Variants in HSDL1 observed in about 807,000 individuals in gnomAD.
The protein encoded by HSDL1 is inactive hydroxysteroid dehydrogenase-like protein 1.
In HSDL1, 29 loss-of-function variants were observed where a neutral mutation model predicts 31.5. The observed-to-expected ratio is 0.92, with a 90% CI of 0.69 to 1.26. The LOEUF (loss-of-function observed/expected upper bound fraction) is 1.26, where lower values mean the gene tolerates loss of function less well. HSDL1 is among the 50% of genes most tolerant of loss of function. The pLI, the probability that HSDL1 is intolerant of heterozygous loss-of-function variation, is 0.00. For missense variants in HSDL1, 503 were observed against 416.6 expected, an observed-to-expected ratio of 1.21 and a Z score of -1.81; for synonymous variants, 222 against 155.2, an observed-to-expected ratio of 1.43 and a Z score of -3.20.
chr16:84,129,547 C>T lies in HSDL1; in HGVS notation c.894+1G>A, dbSNP rs746597665. The T allele has an allele frequency of 6.2e-7, 1 of 1,606,342 alleles. No homozygotes were observed. Among genetic ancestry groups the T allele is most frequent in the South Asian group, 1.1e-5 (1 of 90,956 alleles). On this transcript the variant is annotated splice_donor_variant, in intron 5 of 5. Coordinates refer to ENST00000219439, the MANE Select transcript of HSDL1 (RefSeq NM_031463.5). LOFTEE classifies it high-confidence loss of function. ...TTATGAGACCTGAAGCACACTCCTA[C>T]CTGAATAGAATGGGACCAATATCCT... is the stretch of plus-strand genomic sequence containing the variant.
At chr16:84,138,107 GTGTT>G (rs1284106948) in intron 1 of HSDL1, among the ~76,000 whole-genome samples, 1 of 152,214 alleles carries the variant, frequency 6.6e-6, no homozygotes, top group Non-Finnish European at 1.5e-5. Context: ...CGAAAAGTAA[GTGTT>G]TGCTGTTTCC....
intron 1 of HSDL1, among the ~76,000 whole-genome samples, chr16:84,139,710 G>A (rs768867519): frequency 6.6e-6 from 1 of 152,156 alleles, no homozygotes; most frequent in Non-Finnish European, 1.5e-5. Flanking sequence ...GAAGAGACAA[G>A]CTGAAAACTC....
rs1470499644 is a variant in HSDL1, at chr16:84,130,418, C to G, written c.234G>C (p.Gly78=). The part of the protein sequence containing the change: ...RWAVVSGATD[G]IGKAYAEELA... ...ACTCTTCAGCGTAGGCTTTTCCAAT[C>G]CCATCTGTTGCACCTAGGATGCAAG... The change falls in exon 4 of 6, where the codon GGG becomes GGC. Residue 78 remains glycine, a synonymous_variant. Transcript: ENST00000219439. 1.2e-6 allele frequency: 2 copies of G among 1,608,904 alleles called. No homozygotes were observed. Among genetic ancestry groups the G allele is most frequent in the Non-Finnish European group, 1.7e-6 (2 of 1,177,760 alleles).
chr16:84,135,450 C>G (rs78583073), intron 2 of HSDL1, 94 bp downstream of exon 2: 109 of 152,116 alleles, frequency 7.2e-4, no homozygotes, highest in African/African-American at 2.6e-3. Context: ...AGAATCTGAA[C>G]CTTTTTGAAG....
At chr16:84,130,784 A>G (rs897930626) in intron 3 of HSDL1, among the ~76,000 whole-genome samples, 2 of 152,224 alleles carry the variant, frequency 1.3e-5, no homozygotes, top group African/African-American at 4.8e-5. Flanking sequence ...AAATAGGTGA[A>G]GCATTTCTGA....
chr16:84,132,543 C>G (rs772735272), intron 2 of HSDL1, among the ~76,000 whole-genome samples: 1 of 152,142 alleles, frequency 6.6e-6, no homozygotes, highest in African/African-American at 2.4e-5. Flanking sequence ...GTTGAGTGTC[C>G]ACATAGCAAG....
At chr16:84,134,805 T>C (rs906564626) in intron 2 of HSDL1, among the ~76,000 whole-genome samples, 2 of 152,144 alleles carry the variant, frequency 1.3e-5, no homozygotes, top group African/African-American at 4.8e-5. Context: ...CCAGGACCTC[T>C]CAAGCAAAAT....
intron 5 of HSDL1, among the ~76,000 whole-genome samples, chr16:84,127,686 T>A (rs988800353): frequency 6.0e-5 from 9 of 150,452 alleles, no homozygotes; most frequent in African/African-American, 2.2e-4. Flanking sequence ...AAAAAAAAAA[T>A]TCGGACCAGG....
At position 84,130,096 on chromosome 16, in the gene HSDL1, G is replaced by A. The variant is rs1451678533; in HGVS notation, c.556C>T (p.His186Tyr). The A allele has an allele frequency of 4.3e-6, 7 of 1,614,008 alleles. No homozygotes were observed. Among genetic ancestry groups the A allele is most frequent in the Non-Finnish European group, 5.9e-6 (7 of 1,180,032 alleles). ...TCCACCATTCCCGGTAACACAACAT[G>A]GACCATCAAACTAGCGGCGGCAATG... is the stretch of plus-strand genomic sequence containing the variant. The part of the protein sequence containing the change: ...VNIAAASLMV[H>Y]VVLPGMVERK... The change falls in exon 4 of 6, where the codon CAT becomes TAT. Residue 186 changes from histidine to tyrosine, a missense_variant. Coordinates refer to ENST00000219439, the MANE Select transcript of HSDL1 (RefSeq NM_031463.5).
In HSDL1 at chr16:84,133,715, T is replaced by C. The variant is rs566700284; in HGVS notation, c.-7+1829A>G. On this transcript the variant is annotated intron_variant, in intron 2 of 5. Transcript: ENST00000219439. Reference sequence around the variant, plus strand: ...CTGCGCTCCAGCCTGGGCGACAGAGTGAGACTCCATCTCGAAACAAACAAA... The same window carrying C: ...CTGCGCTCCAGCCTGGGCGACAGAGCGAGACTCCATCTCGAAACAAACAAA... Among the ~76,000 whole-genome samples, 7 of 152,160 alleles carry C rather than the reference T, an allele frequency of 4.6e-5. No individual in the cohort carries two copies. The East Asian group carries it at 1.4e-3, about 29-fold the overall frequency.
chr16:84,127,212 T>C (rs1007890067), intron 5 of HSDL1, among the ~76,000 whole-genome samples: 14 of 106,502 alleles, frequency 1.3e-4, no homozygotes, highest in South Asian at 1.2e-3. Context: ...GTTTCTTCTT[T>C]TTTTTTTTTT....
rs367909073 is a variant in HSDL1, at chr16:84,137,967, C to T, written c.-68-2362G>A. 8.9e-4 allele frequency among the ~76,000 whole-genome samples: 134 copies of T among 150,916 alleles called. 2 individuals carry two copies. The highest frequency in any genetic ancestry group is 3.3e-3 in the African/African-American group (131 of 40,164). On this transcript the variant is annotated intron_variant, in intron 1 of 5. Coordinates refer to ENST00000219439, the MANE Select transcript of HSDL1 (RefSeq NM_031463.5). Reference sequence around the variant, plus strand: ...CCTGTGCTACGGTCTGAGCGTTCCGCCCCACTCCCTGATTCTTGTCTTGAA... The same window carrying T: ...CCTGTGCTACGGTCTGAGCGTTCCGTCCCACTCCCTGATTCTTGTCTTGAA...
intron 1 of HSDL1, among the ~76,000 whole-genome samples, chr16:84,139,901 C>A (rs78585093): frequency 0.031 from 4,711 of 152,212 alleles, 214 homozygotes; most frequent in African/African-American, 0.11. Context: ...AACATTTTTC[C>A]AAATAAATCT....
At chr16:84,128,156 G>C (rs192163082) in intron 5 of HSDL1, among the ~76,000 whole-genome samples, 70 of 151,716 alleles carry the variant, frequency 4.6e-4, no homozygotes, top group African/African-American at 1.7e-3. Context: ...GGGCGTGGTG[G>C]CAGGCACCTG....
In HSDL1 at chr16:84,122,742, G is replaced by C. The variant is rs950376405; in HGVS notation, c.*1888C>G. 1 of 152,176 alleles carries C rather than the reference G, an allele frequency of 6.6e-6. No individual in the cohort carries two copies. The highest frequency in any genetic ancestry group is 2.4e-5 in the African/African-American group (1 of 41,440). 9.4% of individuals were successfully genotyped at this position (152,176 alleles called of 1,614,324 possible). ...GGGGAAAAAAATACATTTAATGAAA[G>C]CTAGAAAACCTAGAGAAGGTCTTGC... On this transcript the variant is annotated 3_prime_UTR_variant, in exon 6 of 6. Coordinates refer to ENST00000219439, the MANE Select transcript of HSDL1 (RefSeq NM_031463.5).
At chr16:84,137,902 C>G (rs768979680) in intron 1 of HSDL1, among the ~76,000 whole-genome samples, 24 of 152,208 alleles carry the variant, frequency 1.6e-4, no homozygotes, top group Non-Finnish European at 2.8e-4. Flanking sequence ...AGGTATCTGA[C>G]TAGTTACTGT....
At chr16:84,134,417 G>A (rs924938402) in intron 2 of HSDL1, among the ~76,000 whole-genome samples, 1 of 152,110 alleles carries the variant, frequency 6.6e-6, no homozygotes, top group Non-Finnish European at 1.5e-5. Flanking sequence ...GAGGTCAGGA[G>A]TTCAAGACCA....
intron 2 of HSDL1, among the ~76,000 whole-genome samples, chr16:84,134,069 C>G (rs945100325): frequency 6.5e-4 from 99 of 152,070 alleles, no homozygotes; most frequent in African/African-American, 2.3e-3. Flanking sequence ...TTACTGCTCC[C>G]AAATCCTTTG....
rs780457031 is a variant in HSDL1, at chr16:84,130,051, C to T, written c.601G>A (p.Val201Ile). 55 of 1,614,164 alleles carry T rather than the reference C, an allele frequency of 3.4e-5. No homozygotes were observed. Among genetic ancestry groups the T allele is most frequent in the East Asian group, 2.5e-4 (11 of 44,886 alleles). ...GMVERKKGAI[V>I]TISSGSCCKP... ...CAGCAGGAGCCAGAAGAGATCGTGA[C>T]GATGGCACCTTTCTTTCTCTCCACC... The change falls in exon 4 of 6, where the codon GTC becomes ATC. Residue 201 changes from valine (V) to isoleucine (I), a missense_variant. Physicochemically the swap from Val to Ile is conservative, Grantham distance 29. Coordinates refer to ENST00000219439, the MANE Select transcript of HSDL1 (RefSeq NM_031463.5).
Sources: gnomAD v4.1 joint callset for allele counts (sites outside exome capture counted in the v4.1 genomes callset) on GRCh38, gnomAD v4.1.1 for gene constraint, MANE v1.5 for transcripts, NCBI Gene and HGNC (gene_info 2026-07-23, HGNC 2026-07-21) for gene names.